Variants in KPNA1 observed in about 807,000 individuals in gnomAD.
KPNA1 encodes the protein importin subunit alpha-5.
KPNA1 carries 10 observed loss-of-function variants against 70.5 expected under a neutral mutation model. The ratio of observed to expected loss-of-function variants is 0.14; its 90% CI spans 0.09 to 0.24. KPNA1 has a LOEUF of 0.24. Ranked by LOEUF, KPNA1 falls within the 10% of genes least tolerant of loss-of-function variation. The probability of loss-of-function intolerance (pLI) is 1.00; values close to 1 mark genes in which losing one functional copy is unlikely to be tolerated. For missense variants in KPNA1, 397 were observed against 637.9 expected (o/e 0.62, Z 4.07); for synonymous variants, 192 against 221.9 (o/e 0.87, Z 1.20).
intron 8 of KPNA1, 22 bp downstream of exon 8, chr3:122,451,512 G>T: frequency 7.2e-7 from 1 of 1,381,350 alleles, no homozygotes; most frequent in Non-Finnish European, 1.0e-6. Flanking sequence ...TTCTGCCAAT[G>T]TCCCAAAAGC....
chr3:122,497,082 A>G (rs758565082), intron 1 of KPNA1, among the ~76,000 whole-genome samples: 21 of 152,208 alleles, frequency 1.4e-4, no homozygotes, highest in African/African-American at 4.6e-4. Flanking sequence ...CCTTCATCAT[A>G]GTGAATTTTG....
intron 1 of KPNA1, among the ~76,000 whole-genome samples, chr3:122,508,649 G>A (rs1263413559): frequency 6.6e-6 from 1 of 152,144 alleles, no homozygotes; most frequent in Non-Finnish European, 1.5e-5. Flanking sequence ...AGAGACTGGA[G>A]ACTCTCAGGG....
chr3:122,429,771 A>C (rs867042515), intron 12 of KPNA1, among the ~76,000 whole-genome samples: 16 of 152,320 alleles, frequency 1.1e-4, no homozygotes, highest in Middle Eastern at 3.4e-3. Context: ...ACAAAGTTGG[A>C]GGAATGACAT....
chr3:122,455,784 G>C (rs894888574), intron 5 of KPNA1, among the ~76,000 whole-genome samples: 3 of 152,116 alleles, frequency 2.0e-5, no homozygotes, highest in East Asian at 1.9e-4. Flanking sequence ...TTGAACTCCT[G>C]ATCTCAAGTC....
chr3:122,451,387 C>T, intron 8 of KPNA1, 147 bp downstream of exon 8: 1 of 537,018 alleles, frequency 1.9e-6, no homozygotes, highest in Non-Finnish European at 3.2e-6. Context: ...CCAACAAAAA[C>T]AACAACAACC....
intron 1 of KPNA1, among the ~76,000 whole-genome samples, chr3:122,505,930 G>T (rs1559767267): frequency 6.6e-6 from 1 of 152,138 alleles, no homozygotes; most frequent in African/African-American, 2.4e-5. Flanking sequence ...ACAGCCCTCA[G>T]ATTAATCTCA....
At position 122,464,016 on chromosome 3, in the gene KPNA1, A is replaced by G. The variant is rs777960890; in HGVS notation, c.263T>C (p.Ile88Thr). 2.5e-6 allele frequency: 4 copies of G among 1,604,492 alleles called. No homozygotes were observed. The Admixed American group carries it at 6.7e-5, about 27-fold the overall frequency. ...TGGGCTTTTGGAAAATATCATTTCAATCATGTCAGAAGTGATGACACCACC... is the reference window on the plus strand; with the variant it reads ...TGGGCTTTTGGAAAATATCATTTCAGTCATGTCAGAAGTGATGACACCACC... ...APGGVITSDM[I>T]EMIFSKSPEQ... is the part of the protein sequence containing the mutation. Residue 88 changes from isoleucine to threonine, a missense_variant, in exon 4 of 14, where the codon ATT becomes ACT. Coordinates refer to ENST00000344337, the MANE Select transcript of KPNA1 (RefSeq NM_002264.4).
chr3:122,446,436 G>A (rs1199938624), intron 9 of KPNA1, among the ~76,000 whole-genome samples: 9 of 152,126 alleles, frequency 5.9e-5, no homozygotes, highest in African/African-American at 7.2e-5. Context: ...GGTAAATAAC[G>A]AAATGAAGGC....
intron 9 of KPNA1, among the ~76,000 whole-genome samples, chr3:122,444,025 T>A (rs537546823): frequency 6.6e-6 from 1 of 152,358 alleles, no homozygotes; most frequent in East Asian, 1.9e-4. Context: ...TTTTATGCCT[T>A]ATCTTCAACT....
chr3:122,467,579 T>C (rs568268212), intron 2 of KPNA1, 150 bp from the exon 3 acceptor site: 3 of 515,226 alleles, frequency 5.8e-6, no homozygotes, highest in South Asian at 4.6e-5. Context: ...TGAGTAACCA[T>C]TTCAGATTTC....
intron 2 of KPNA1, among the ~76,000 whole-genome samples, chr3:122,481,575 T>C (rs2076571200): frequency 6.6e-6 from 1 of 152,116 alleles, no homozygotes. Flanking sequence ...TTTTAGCGGG[T>C]GACTAAAATG....
At chr3:122,504,317 AT>A (rs2076864486) in intron 1 of KPNA1, among the ~76,000 whole-genome samples, 3 of 152,112 alleles carry the variant, frequency 2.0e-5, no homozygotes, top group Admixed American at 2.0e-4. Flanking sequence ...TTCACTGTGT[AT>A]TCACATAGCA....
chr3:122,449,533 A>C, intron 9 of KPNA1, 41 bp downstream of exon 9: 1 of 1,539,988 alleles, frequency 6.5e-7, no homozygotes, highest in Non-Finnish European at 8.9e-7. Flanking sequence ...AACTAGTACC[A>C]AGGGAGAGAA....
chr3:122,427,287 GAA>G (rs758114617), intron 13 of KPNA1, 115 bp from the exon 14 acceptor site: 4 of 833,760 alleles, frequency 4.8e-6, no homozygotes, highest in Non-Finnish European at 7.4e-6. Flanking sequence ...TTGATGTAAA[GAA>G]AGATTATTTG....
Position 122,452,077 on chromosome 3 carries a change from C to G in KPNA1, c.565-13G>C. On this transcript the variant is annotated splice_polypyrimidine_tract_variant and intron_variant, in intron 6 of 13. Transcript: ENST00000344337. ...GAGCCCAGACTGCCTGTGAAAGAATCATTCATTAATAAAGGTTACATAGTT... is the reference window on the plus strand; with the variant it reads ...GAGCCCAGACTGCCTGTGAAAGAATGATTCATTAATAAAGGTTACATAGTT... The G allele has an allele frequency of 1.3e-6, 2 of 1,554,018 alleles. No individual in the cohort carries two copies. Among genetic ancestry groups the G allele is most frequent in the Non-Finnish European group, 1.8e-6 (2 of 1,126,152 alleles).
At chr3:122,500,731 T>G (rs2076819202) in intron 1 of KPNA1, among the ~76,000 whole-genome samples, 1 of 152,054 alleles carries the variant, frequency 6.6e-6, no homozygotes, top group African/African-American at 2.4e-5. Flanking sequence ...CTCGAACTCC[T>G]GGGCTCAAGT....
chr3:122,461,472 C>A (rs2076323313), intron 4 of KPNA1, among the ~76,000 whole-genome samples, 154 bp from the exon 5 acceptor site: 2 of 152,286 alleles, frequency 1.3e-5, no homozygotes, highest in South Asian at 4.1e-4. Flanking sequence ...GGGTTTATCA[C>A]TTTGAGGACA....
intron 1 of KPNA1, among the ~76,000 whole-genome samples, chr3:122,513,284 T>G (rs2076976386): frequency 6.6e-6 from 1 of 152,220 alleles, no homozygotes. Flanking sequence ...GTAAAGCATT[T>G]AACACAATAC....
intron 12 of KPNA1, among the ~76,000 whole-genome samples, chr3:122,428,874 T>G (rs2075859832): frequency 6.6e-6 from 1 of 152,188 alleles, no homozygotes; most frequent in African/African-American, 2.4e-5. Flanking sequence ...ACTCAATCTT[T>G]GAGGCCAGCA....
Sources: gnomAD v4.1 joint callset for allele counts (sites outside exome capture counted in the v4.1 genomes callset) on GRCh38, gnomAD v4.1.1 for gene constraint, MANE v1.5 for transcripts, NCBI Gene and HGNC (gene_info 2026-07-23, HGNC 2026-07-21) for gene names.